Variants in SHQ1 observed in about 807,000 individuals in gnomAD.
The protein encoded by SHQ1 is protein SHQ1 homolog.
SHQ1 carries 49 observed loss-of-function variants against 53.8 expected under a neutral mutation model. The ratio of observed to expected loss-of-function variants is 0.91; its 90% CI spans 0.72 to 1.16. The LOEUF (loss-of-function observed/expected upper bound fraction) is 1.16. Ranked by LOEUF, SHQ1 falls within the 50% of genes most tolerant of loss-of-function variation. SHQ1 has a pLI of 0.00. For synonymous variants in SHQ1, 243 were observed against 251.0 expected (o/e 0.97, Z 0.30); for missense variants, 738 against 683.1 (o/e 1.08, Z -0.90).
intron 9 of SHQ1, chr3:72,794,152 C>A (rs374773117): frequency 6.6e-6 from 1 of 152,134 alleles, no homozygotes; most frequent in Admixed American, 6.5e-5. Flanking sequence ...AGTTCTGAAA[C>A]GCGGAAATAC....
chr3:72,735,742 A>C, the SHQ1 span, among the ~76,000 whole-genome samples: 2 of 124,982 alleles, frequency 1.6e-5, no homozygotes, highest in African/African-American at 2.9e-5. Context: ...GGAAGGAAGG[A>C]AGGAAGGAAG....
intron 1 of SHQ1, among the ~76,000 whole-genome samples, chr3:72,845,271 G>C (rs1575744808): frequency 6.6e-6 from 1 of 152,082 alleles, no homozygotes; most frequent in South Asian, 2.1e-4. Context: ...ATCACCTTAG[G>C]TCAGGAGTTC....
At chr3:72,765,916 A>G (rs1156725662) in intron 10 of SHQ1, among the ~76,000 whole-genome samples, 1 of 152,172 alleles carries the variant, frequency 6.6e-6, no homozygotes, top group Non-Finnish European at 1.5e-5. Context: ...TCCTGTGCTC[A>G]TGGAGCTTAT....
At chr3:72,766,781 A>G (rs1375775141) in intron 10 of SHQ1, among the ~76,000 whole-genome samples, 1 of 152,120 alleles carries the variant, frequency 6.6e-6, no homozygotes, top group Non-Finnish European at 1.5e-5. Context: ...TTCATGAGCC[A>G]TTTTATTGAA....
the SHQ1 span, among the ~76,000 whole-genome samples, chr3:72,726,641 C>A: frequency 6.6e-6 from 1 of 152,252 alleles, no homozygotes; most frequent in East Asian, 1.9e-4. Context: ...TGTGAGCCAC[C>A]ACGCCGGGCC....
intron 5 of SHQ1, among the ~76,000 whole-genome samples, chr3:72,832,019 T>C (rs866861337): frequency 6.6e-6 from 1 of 152,206 alleles, no homozygotes; most frequent in African/African-American, 2.4e-5. Flanking sequence ...TTGAAACATA[T>C]TTTCATTTAT....
intron 4 of SHQ1, among the ~76,000 whole-genome samples, chr3:72,837,629 G>A (rs1201007080): frequency 6.6e-6 from 1 of 152,148 alleles, no homozygotes; most frequent in African/African-American, 2.4e-5. Context: ...ATAAACTTGT[G>A]AGAAAATACT....
At position 72,815,394 on chromosome 3, in the gene SHQ1, C is replaced by A. The variant is rs1264956627; in HGVS notation, c.892G>T (p.Ala298Ser). ...VTEGEKNVES[A>S]WNIRKLSPTL... ...GGACTCAGTTTCCTGATATTCCATG[C>A]AGATTCAACCTTTATTTGTTTTGGA... is the stretch of plus-strand genomic sequence containing the variant. The change falls in exon 8 of 11, where the codon GCA (alanine) becomes TCA (serine). Residue 298 changes from alanine (A) to serine (S), a missense_variant. Ala to Ser is a moderately conservative substitution (Grantham distance 99). Coordinates refer to ENST00000325599, the MANE Select transcript of SHQ1 (RefSeq NM_018130.3). 1.9e-6 allele frequency: 3 copies of A among 1,613,054 alleles called. No homozygotes were observed. The highest frequency in any genetic ancestry group is 1.1e-5 in the South Asian group (1 of 91,054).
the SHQ1 span, among the ~76,000 whole-genome samples, chr3:72,738,565 C>T: frequency 6.6e-6 from 1 of 152,172 alleles, no homozygotes; most frequent in Non-Finnish European, 1.5e-5. Context: ...AGTGGGCAAT[C>T]TGACTCTTCT....
chr3:72,797,135 G>A (rs1311661086), intron 9 of SHQ1, among the ~76,000 whole-genome samples: 3 of 151,984 alleles, frequency 2.0e-5, no homozygotes, highest in Non-Finnish European at 4.4e-5. Flanking sequence ...GCAGGTGCCT[G>A]TAGCCCCAGC....
Position 72,815,624 on chromosome 3 carries a change from T to A in SHQ1, c.883-221A>T, listed in dbSNP as rs140625887. On this transcript the variant is annotated intron_variant, in intron 7 of 10. Coordinates refer to ENST00000325599, the MANE Select transcript of SHQ1 (RefSeq NM_018130.3). ...GGGATTTTCGAAAATAAAACTTTTC[T>A]ACTGATAAGAGTACCAGAACACAAG... Among the ~76,000 whole-genome samples, 562 of 152,340 alleles carry A rather than the reference T, an allele frequency of 3.7e-3. 2 individuals carry two copies. The highest frequency in any genetic ancestry group is 0.012 in the African/African-American group (484 of 41,574).
chr3:72,774,365 C>A (rs1559665732), intron 10 of SHQ1, among the ~76,000 whole-genome samples: 1 of 151,648 alleles, frequency 6.6e-6, no homozygotes, highest in Non-Finnish European at 1.5e-5. Flanking sequence ...TGCAACACAG[C>A]AGCTAACAAT....
intron 10 of SHQ1, among the ~76,000 whole-genome samples, chr3:72,754,607 C>T (rs184918491): frequency 4.1e-4 from 63 of 152,100 alleles, no homozygotes; most frequent in African/African-American, 1.4e-3. Flanking sequence ...TCTTGAACTC[C>T]CGACCTCAGG....
At chr3:72,755,290 G>A (rs1705477265) in intron 10 of SHQ1, among the ~76,000 whole-genome samples, 1 of 152,116 alleles carries the variant, frequency 6.6e-6, no homozygotes, top group Non-Finnish European at 1.5e-5. Context: ...ATGGATGGAT[G>A]GATGGATGGA....
the SHQ1 span, among the ~76,000 whole-genome samples, chr3:72,732,176 C>T: frequency 6.6e-6 from 1 of 151,544 alleles, no homozygotes; most frequent in South Asian, 2.1e-4. Flanking sequence ...AGGCTCAGGG[C>T]AGCCATGTCT....
chr3:72,759,462 G>A (rs529051728), intron 10 of SHQ1, among the ~76,000 whole-genome samples: 3 of 152,262 alleles, frequency 2.0e-5, no homozygotes, highest in African/African-American at 7.2e-5. Flanking sequence ...AGGCCAAGGT[G>A]GGCGGATCAC....
At position 72,750,105 on chromosome 3, in the gene SHQ1, C is replaced by A. The variant is rs1705332046; in HGVS notation, c.*179G>T. The A allele has an allele frequency of 1.7e-6, 1 of 599,810 alleles. No individual in the cohort carries two copies. Among genetic ancestry groups the A allele is most frequent in the Non-Finnish European group, 2.9e-6 (1 of 344,428 alleles). 37.2% of individuals were successfully genotyped at this position (599,810 alleles called of 1,614,324 possible). A position where few individuals can be genotyped will look rare whatever the true frequency, so the allele number is the denominator to read the frequency against. ...AGTCTGTACATGTTTGGTACAGATG[C>A]GATTTTTTCTTCAATATTTTTGATC... On this transcript the variant is annotated 3_prime_UTR_variant, in exon 11 of 11. Coordinates refer to ENST00000325599, the MANE Select transcript of SHQ1 (RefSeq NM_018130.3).
At chr3:72,822,550 A>G (rs1318264835) in intron 6 of SHQ1, among the ~76,000 whole-genome samples, 2 of 152,198 alleles carry the variant, frequency 1.3e-5, no homozygotes, top group Non-Finnish European at 1.5e-5. Context: ...TAGGGCAACT[A>G]GCTCACCCTG....
the SHQ1 span, among the ~76,000 whole-genome samples, chr3:72,726,867 G>A: frequency 6.6e-6 from 1 of 152,162 alleles, no homozygotes; most frequent in East Asian, 1.9e-4. Context: ...GGTGCCAAAT[G>A]AAGCAACAGG....
Sources: gnomAD v4.1 joint callset for allele counts (sites outside exome capture counted in the v4.1 genomes callset) on GRCh38, gnomAD v4.1.1 for gene constraint, MANE v1.5 for transcripts, NCBI Gene and HGNC (gene_info 2026-07-23, HGNC 2026-07-21) for gene names.